Variants in NUP133 observed in about 807,000 individuals in gnomAD.
NUP133 encodes nucleoporin 133.
A neutral mutation model predicts 146.2 loss-of-function variants in NUP133; 66 were observed. That is an observed-to-expected ratio of 0.45 (90% confidence interval 0.37 to 0.55). The LOEUF (loss-of-function observed/expected upper bound fraction) is 0.55. Ranked by LOEUF, NUP133 falls within the 20% of genes least tolerant of loss-of-function variation. The pLI, the probability that NUP133 is intolerant of heterozygous loss-of-function variation, is 0.00. For missense variants in NUP133, 1,277 were observed against 1,374.8 expected, an observed-to-expected ratio of 0.93 and a Z score of 1.12; for synonymous variants, 521 against 498.8, an observed-to-expected ratio of 1.04 and a Z score of -0.59.
Position 229,486,462 on chromosome 1 carries a change from A to T in NUP133, c.1409T>A (p.Leu470Gln), listed in dbSNP as rs772952247. Reference protein sequence around the residue: ...VPIIFSRNSGLVSITSRENVS... With the variant: ...VPIIFSRNSGQVSITSRENVS... ...ATTTTCCCTTGAAGTAATAGACACCAGTCCACTGTTTCTAGAAAAAATGAT... is the reference window on the plus strand; with the variant it reads ...ATTTTCCCTTGAAGTAATAGACACCTGTCCACTGTTTCTAGAAAAAATGAT... The change falls in exon 11 of 26, where the codon CTG becomes CAG. Residue 470 changes from leucine (L) to glutamine (Q), a missense_variant. This residue lies in a region of NUP133 where 952 missense variants were observed against 1,047.0 expected (regional missense o/e 0.91). Transcript: ENST00000261396. 1.9e-6 allele frequency: 3 copies of T among 1,611,462 alleles called. No individual in the cohort carries two copies. In the East Asian group the frequency reaches 6.7e-5, roughly 36 times the overall value.
intron 13 of NUP133, among the ~76,000 whole-genome samples, chr1:229,476,450 C>T (rs1420249496): frequency 1.3e-5 from 2 of 152,116 alleles, no homozygotes; most frequent in Non-Finnish European, 2.9e-5. Context: ...CTGGGGACCC[C>T]AGAGTTCCCC....
chr1:229,497,452 T>C (rs957499741), intron 6 of NUP133, among the ~76,000 whole-genome samples: 3 of 152,156 alleles, frequency 2.0e-5, no homozygotes, highest in Non-Finnish European at 2.9e-5. Flanking sequence ...TTAAAGAACA[T>C]TCAAGGAAGC....
chr1:229,481,685 T>G, intron 12 of NUP133, among the ~76,000 whole-genome samples: 2 of 139,180 alleles, frequency 1.4e-5, no homozygotes, highest in Admixed American at 7.6e-5. Flanking sequence ...GATGACAGAG[T>G]GAGACTCTGT....
chr1:229,474,700 T>C (rs1005466496), intron 14 of NUP133, among the ~76,000 whole-genome samples: 1 of 152,162 alleles, frequency 6.6e-6, no homozygotes, highest in African/African-American at 2.4e-5. Context: ...TAGGAGAACA[T>C]TCCCATGATC....
In NUP133 at chr1:229,441,878, T is replaced by C. The variant is rs1445744487; in HGVS notation, c.*26A>G. The C allele has an allele frequency of 6.5e-7, 1 of 1,540,990 alleles. No homozygotes were observed. The highest frequency in any genetic ancestry group is 8.7e-7 in the Non-Finnish European group (1 of 1,148,122). On this transcript the variant is annotated 3_prime_UTR_variant, in exon 26 of 26. Transcript: ENST00000261396. Reference sequence around the variant, plus strand: ...TAAGGACACACTTATACAGATTTCATAAACAATGGCCATTTTTAGAAAAAG... The same window carrying C: ...TAAGGACACACTTATACAGATTTCACAAACAATGGCCATTTTTAGAAAAAG...
Position 229,465,411 on chromosome 1 carries a change from G to A in NUP133, c.2299+9C>T, listed in dbSNP as rs1170625007. The stretch of plus-strand genomic sequence containing the variant: ...ATTTTGAACAACTGTTAATAAATCA[G>A]TATATTACCCGTCCATGGAACATAT... On this transcript the variant is annotated intron_variant, in intron 17 of 25. Transcript: ENST00000261396. The A allele has an allele frequency of 6.4e-7, 1 of 1,554,590 alleles. No individual in the cohort carries two copies. Among genetic ancestry groups the A allele is most frequent in the African/African-American group, 1.4e-5 (1 of 73,818 alleles).
chr1:229,491,073 C>T (rs1661502030), intron 8 of NUP133, among the ~76,000 whole-genome samples: 1 of 152,080 alleles, frequency 6.6e-6, no homozygotes, highest in Non-Finnish European at 1.5e-5. Flanking sequence ...ACCATCTGAT[C>T]CAGGGATTGG....
At chr1:229,487,376 T>C (rs1406293413) in intron 10 of NUP133, 90 bp downstream of exon 10, 4 of 1,253,540 alleles carry the variant, frequency 3.2e-6, no homozygotes, top group Middle Eastern at 1.9e-4. Flanking sequence ...GAAAGCAGCA[T>C]GCTTGAAGTG....
chr1:229,455,851 T>C (rs7545114), intron 21 of NUP133, among the ~76,000 whole-genome samples: 31,397 of 152,148 alleles, frequency 0.21, 3,570 homozygotes, highest in African/African-American at 0.29. Context: ...AGTTATATCA[T>C]CTAATACTAA....
chr1:229,441,308 G>C lies in NUP133; in HGVS notation c.*596C>G, dbSNP rs920175915. ...TTCATTCACTAAAATACTTTCATTA[G>C]TGCTCATTTATTATTTATGTAGAAA... is the stretch of plus-strand genomic sequence containing the variant. On this transcript the variant is annotated 3_prime_UTR_variant, in exon 26 of 26. Transcript: ENST00000261396. 1 of 433,250 alleles carries C rather than the reference G, an allele frequency of 2.3e-6. No individual in the cohort carries two copies. The highest frequency in any genetic ancestry group is 4.7e-6 in the Non-Finnish European group (1 of 211,436). The allele number at this position is 433,250 out of a possible 1,614,324, so 26.8% of individuals were successfully genotyped here.
intron 23 of NUP133, 30 bp downstream of exon 23, chr1:229,450,495 C>G: frequency 8.1e-7 from 1 of 1,227,786 alleles, no homozygotes; most frequent in Non-Finnish European, 1.2e-6. Context: ...TATTCAGTTG[C>G]CTGAGATCAT....
In NUP133 at chr1:229,460,067, G is replaced by A. The variant is rs745522656; in HGVS notation, c.2844+544C>T. 3.4e-4 allele frequency among the ~76,000 whole-genome samples: 51 copies of A among 152,094 alleles called. 1 individual carries two copies. Among genetic ancestry groups the A allele is most frequent in the South Asian group, 2.1e-4 (1 of 4,824 alleles). ...GTAACAGCCATTCGAACAAATGTAC[G>A]GTGATGTCTCATTGTGATATAAATT... On this transcript the variant is annotated intron_variant, in intron 20 of 25. Coordinates refer to ENST00000261396, the MANE Select transcript of NUP133 (RefSeq NM_018230.3).
Position 229,495,543 on chromosome 1 carries a change from G to A in NUP133, c.998C>T (p.Ala333Val), listed in dbSNP as rs1372896151. 3.1e-6 allele frequency: 5 copies of A among 1,609,598 alleles called. No homozygotes were observed. The highest frequency in any genetic ancestry group is 4.2e-6 in the Non-Finnish European group (5 of 1,176,582). Residue 333 changes from alanine to valine, a missense_variant, in exon 8 of 26, where the codon GCT becomes GTT. Ala to Val is a moderately conservative substitution (Grantham distance 64, BLOSUM62 0). This residue lies in a region of NUP133 where 952 missense variants were observed against 1,047.0 expected (regional missense o/e 0.91). Coordinates refer to ENST00000261396, the MANE Select transcript of NUP133 (RefSeq NM_018230.3). ...AIWGSESNYE[A>V]IKEGVNIRYL... ...TCGAATGTTGACTCCTTCTTTAATA[G>A]CTTCATAGTTACTTTCAGATCCCTA... is the stretch of plus-strand genomic sequence containing the variant.
chr1:229,460,675 T>A lies in NUP133; in HGVS notation c.2780A>T (p.Asn927Ile), dbSNP rs1460064536. The A allele has an allele frequency of 6.2e-7, 1 of 1,614,092 alleles. No homozygotes were observed. Among genetic ancestry groups the A allele is most frequent in the Admixed American group, 1.7e-5 (1 of 60,010 alleles). Residue 927 changes from asparagine (N) to isoleucine (I), a missense_variant, in exon 20 of 26, where the codon AAT becomes ATT. Physicochemically the swap from Asn to Ile is moderately radical, Grantham distance 149 (BLOSUM62 -3). This residue lies in a region of NUP133 where 952 missense variants were observed against 1,047.0 expected (regional missense o/e 0.91). Coordinates refer to ENST00000261396, the MANE Select transcript of NUP133 (RefSeq NM_018230.3). ...QPISQHGQLA[N>I]FLQAHEHLSW... ...GAGATGTTCATGAGCTTGCAAAAAA[T>A]TTGCCAACTGTCCATGCTGAGAAAT...
chr1:229,452,194 A>G (rs530608028), intron 22 of NUP133, among the ~76,000 whole-genome samples: 2 of 152,314 alleles, frequency 1.3e-5, no homozygotes, highest in East Asian at 3.9e-4. Context: ...TTCTTATAGA[A>G]GAGCTTGAAA....
At chr1:229,461,067 C>G (rs1017132368) in intron 19 of NUP133, among the ~76,000 whole-genome samples, 1 of 152,182 alleles carries the variant, frequency 6.6e-6, no homozygotes, top group Non-Finnish European at 1.5e-5. Context: ...AAAAAATTAG[C>G]TTGAAATTTA....
At chr1:229,471,066 C>T (rs1660944717) in intron 14 of NUP133, among the ~76,000 whole-genome samples, 1 of 152,160 alleles carries the variant, frequency 6.6e-6, no homozygotes. Context: ...ACTGTCTCTG[C>T]ATATCATGTT....
At chr1:229,474,228 G>T (rs1038760950) in intron 14 of NUP133, among the ~76,000 whole-genome samples, 1 of 152,188 alleles carries the variant, frequency 6.6e-6, no homozygotes, top group African/African-American at 2.4e-5. Flanking sequence ...AATGCAGGTC[G>T]AGTGATTCCG....
chr1:229,469,862 C>T (rs1660914138), intron 15 of NUP133, among the ~76,000 whole-genome samples: 1 of 152,232 alleles, frequency 6.6e-6, no homozygotes, highest in African/African-American at 2.4e-5. Context: ...CAGGTCTCTA[C>T]TAAAAATACA....
Sources: gnomAD v4.1 joint callset for allele counts (sites outside exome capture counted in the v4.1 genomes callset) on GRCh38, gnomAD v4.1.1 for gene constraint, gnomAD v4.1.1 regional missense constraint, MANE v1.5 for transcripts, NCBI Gene and HGNC (gene_info 2026-07-23, HGNC 2026-07-21) for gene names.